The following WWOX variants were observed in gnomAD, a reference collection of about 807,000 sequenced individuals.
WWOX encodes the protein WW domain-containing oxidoreductase.
In WWOX, 69 loss-of-function variants were observed where a neutral mutation model predicts 46.2. That is an observed-to-expected ratio of 1.49 (90% confidence interval 1.23 to 1.82). The LOEUF (loss-of-function observed/expected upper bound fraction) is 1.82. Among genes scored for constraint, WWOX ranks in the 40% most tolerant of loss-of-function variants. The pLI, the probability that WWOX is intolerant of heterozygous loss-of-function variation, is 0.00. For synonymous variants in WWOX, 359 were observed against 202.6 expected (o/e 1.77, Z -6.56); for missense variants, 919 against 542.6 (o/e 1.69, Z -6.89).
At chr16:79,200,779 C>T (rs1457540023) in intron 8 of WWOX, among the ~76,000 whole-genome samples, 1 of 152,124 alleles carries the variant, frequency 6.6e-6, no homozygotes, top group African/African-American at 2.4e-5. Context: ...GCAAGTGCCT[C>T]TGTGCTGATA....
chr16:78,754,160 A>G lies in WWOX; in HGVS notation c.1056+321408A>G, dbSNP rs140347946. ...TTTGCTCTGTGGCAGCTCTTTCTCTAGAGAACTTGGTCCCTGGGGATGCCA... is the reference window on the plus strand; with the variant it reads ...TTTGCTCTGTGGCAGCTCTTTCTCTGGAGAACTTGGTCCCTGGGGATGCCA... On this transcript the variant is annotated intron_variant, in intron 8 of 8. Transcript: ENST00000566780. 3.7e-4 allele frequency among the ~76,000 whole-genome samples: 56 copies of G among 152,164 alleles called. No individual in the cohort carries two copies. In the East Asian group the frequency reaches 6.0e-3, roughly 16 times the overall value.
At chr16:78,807,853 C>A (rs1004122343) in intron 8 of WWOX, among the ~76,000 whole-genome samples, 6 of 152,232 alleles carry the variant, frequency 3.9e-5, no homozygotes, top group Non-Finnish European at 7.3e-5. Flanking sequence ...AAAATCACTT[C>A]TTCGGTTTCA....
At chr16:78,285,102 T>C (rs143993573) in intron 5 of WWOX, among the ~76,000 whole-genome samples, 1 of 152,284 alleles carries the variant, frequency 6.6e-6, no homozygotes, top group East Asian at 1.9e-4. Flanking sequence ...CTGCTTTGTT[T>C]ATAGACTGTC....
chr16:78,810,138 C>G (rs914626694), intron 8 of WWOX, among the ~76,000 whole-genome samples: 1 of 152,184 alleles, frequency 6.6e-6, no homozygotes, highest in South Asian at 2.1e-4. Flanking sequence ...TCATACAGTT[C>G]TGTTAAATGG....
chr16:78,712,501 A>G (rs1438986006), intron 8 of WWOX, among the ~76,000 whole-genome samples: 1 of 135,788 alleles, frequency 7.4e-6, no homozygotes, highest in African/African-American at 2.7e-5. Flanking sequence ...ACTCCATCTT[A>G]AAAAAAAAAA....
At chr16:78,135,427 T>G (rs2033753765) in intron 4 of WWOX, among the ~76,000 whole-genome samples, 1 of 152,206 alleles carries the variant, frequency 6.6e-6, no homozygotes, top group Non-Finnish European at 1.5e-5. Context: ...AGAATCTGGA[T>G]TTTTAACTAT....
At chr16:79,029,755 A>T (rs922453489) in intron 8 of WWOX, among the ~76,000 whole-genome samples, 1 of 152,190 alleles carries the variant, frequency 6.6e-6, no homozygotes, top group Admixed American at 6.5e-5. Flanking sequence ...GCTTCCAGGA[A>T]TCTCAATTAT....
intron 8 of WWOX, among the ~76,000 whole-genome samples, chr16:78,878,840 G>C (rs185898970): frequency 4.9e-4 from 71 of 146,264 alleles, no homozygotes; most frequent in Non-Finnish European, 8.0e-4. Context: ...ATGGTCTCTT[G>C]AGTCCAGGAG....
At chr16:79,003,277 G>T (rs2047128973) in intron 8 of WWOX, among the ~76,000 whole-genome samples, 1 of 152,150 alleles carries the variant, frequency 6.6e-6, no homozygotes, top group Non-Finnish European at 1.5e-5. Flanking sequence ...GAAACTGAAA[G>T]GCAATCAAAG....
intron 8 of WWOX, among the ~76,000 whole-genome samples, chr16:78,807,076 C>G (rs1039529325): frequency 3.9e-5 from 6 of 152,188 alleles, no homozygotes; most frequent in Non-Finnish European, 8.8e-5. Flanking sequence ...CAAGCATCCA[C>G]CAAGTGCCTG....
chr16:78,550,471 G>A (rs1312732455), intron 8 of WWOX, among the ~76,000 whole-genome samples: 3 of 152,200 alleles, frequency 2.0e-5, no homozygotes, highest in Admixed American at 6.5e-5. Flanking sequence ...CTTGTGGGTT[G>A]TAGTTTGCTG....
At chr16:79,060,971 G>A (rs949430678) in intron 8 of WWOX, among the ~76,000 whole-genome samples, 4 of 152,196 alleles carry the variant, frequency 2.6e-5, no homozygotes, top group Non-Finnish European at 4.4e-5. Context: ...AGCACAGAGA[G>A]GCTAAGGAAT....
chr16:79,162,131 G>A (rs1009715550), intron 8 of WWOX, among the ~76,000 whole-genome samples: 4 of 152,188 alleles, frequency 2.6e-5, no homozygotes, highest in Admixed American at 6.5e-5. Context: ...TCCTACCTGT[G>A]AGTAAAGGGT....
chr16:78,713,111 G>A lies in WWOX; in HGVS notation c.1056+280359G>A, dbSNP rs112766513. Among the ~76,000 whole-genome samples, 862 of 151,396 alleles carry A rather than the reference G, an allele frequency of 5.7e-3. 4 individuals are homozygous for A. The highest frequency in any genetic ancestry group is 0.018 in the African/African-American group (732 of 41,270). On this transcript the variant is annotated intron_variant, in intron 8 of 8. Transcript: ENST00000566780. ...ATAGGGAGACCCTCATCTCTACACC[G>A]AATTTAAAAACTTAGCTGGGCATGG... is the stretch of plus-strand genomic sequence containing the variant.
At chr16:78,325,560 G>A (rs1392274760) in intron 5 of WWOX, among the ~76,000 whole-genome samples, 1 of 152,176 alleles carries the variant, frequency 6.6e-6, no homozygotes, top group African/African-American at 2.4e-5. Context: ...ATAATCTTCA[G>A]TTAGTGATCT....
chr16:78,591,907 C>G (rs1010429559), intron 8 of WWOX, among the ~76,000 whole-genome samples: 1 of 152,218 alleles, frequency 6.6e-6, no homozygotes, highest in Non-Finnish European at 1.5e-5. Flanking sequence ...AAAACCACCA[C>G]TGACCACTCT....
At chr16:78,806,268 A>G (rs1468757414) in intron 8 of WWOX, among the ~76,000 whole-genome samples, 3 of 152,162 alleles carry the variant, frequency 2.0e-5, no homozygotes, top group Non-Finnish European at 4.4e-5. Flanking sequence ...CCATTTGGAT[A>G]TCATTGATGA....
intron 8 of WWOX, among the ~76,000 whole-genome samples, chr16:78,546,813 A>C (rs2044044248): frequency 6.6e-6 from 1 of 152,172 alleles, no homozygotes; most frequent in African/African-American, 2.4e-5. Context: ...AAACCTGGGC[A>C]CAACAGTAGT....
chr16:78,389,807 G>T (rs951318985), intron 6 of WWOX, among the ~76,000 whole-genome samples: 5 of 152,136 alleles, frequency 3.3e-5, no homozygotes, highest in African/African-American at 1.2e-4. Context: ...CTGAAGTGCA[G>T]TGGTGCAATC....
Sources: gnomAD v4.1 joint callset for allele counts (sites outside exome capture counted in the v4.1 genomes callset) on GRCh38, gnomAD v4.1.1 for gene constraint, MANE v1.5 for transcripts, NCBI Gene and HGNC (gene_info 2026-07-23, HGNC 2026-07-21) for gene names.